Variants in PIGX observed in about 807,000 individuals in gnomAD.
PIGX encodes the protein phosphatidylinositol glycan anchor biosynthesis class X.
Under a neutral mutation model 28.7 loss-of-function variants are expected in PIGX, and 24 were observed. The ratio of observed to expected loss-of-function variants is 0.84; its 90% CI spans 0.60 to 1.17. The LOEUF (loss-of-function observed/expected upper bound fraction) is 1.17, where lower values mean the gene tolerates loss of function less well. Among genes scored for constraint, PIGX ranks in the 50% most tolerant of loss-of-function variants. The pLI is 0.00. For missense variants in PIGX, 305 were observed against 317.8 expected (o/e 0.96, Z 0.31); for synonymous variants, 127 against 121.0 (o/e 1.05, Z -0.33).
chr3:196,726,740 T>A (rs1712538423), intron 3 of PIGX: 2 of 453,784 alleles, frequency 4.4e-6, no homozygotes, highest in Admixed American at 4.8e-5. Context: ...ATTGCAGACA[T>A]TGTAAGCAAG....
intron 3 of PIGX, 145 bp downstream of exon 3, chr3:196,722,701 CAAGT>C: frequency 2.7e-6 from 2 of 740,132 alleles, no homozygotes; most frequent in South Asian, 1.7e-5. Context: ...TAGTCTTTGA[CAAGT>C]GAGTGACTCT....
chr3:196,721,372 G>T, intron 2 of PIGX: 1 of 161,960 alleles, frequency 6.2e-6, no homozygotes, highest in South Asian at 1.5e-4. Flanking sequence ...TTTTTATTTC[G>T]GAAATTATAT....
Position 196,731,242 on chromosome 3 carries a change from A to G in PIGX, c.633+150A>G, listed in dbSNP as rs1414907950. 7.8e-6 allele frequency: 3 copies of G among 385,058 alleles called. 1 individual carries two copies. The South Asian group carries it at 8.1e-5, about 10-fold the overall frequency. The allele number at this position is 385,058 out of a possible 1,614,324, so 23.9% of individuals were successfully genotyped here. A position where few individuals can be genotyped will look rare whatever the true frequency, so the allele number is the denominator to read the frequency against. ...ACCCAGGCTGGAGTGCAGTGGCACAATCTCGGCTCACTGCAGCCTCCGCCT... is the reference window on the plus strand; with the variant it reads ...ACCCAGGCTGGAGTGCAGTGGCACAGTCTCGGCTCACTGCAGCCTCCGCCT... On this transcript the variant is annotated intron_variant, in intron 5 of 5. Transcript: ENST00000392391.
intron 4 of PIGX, among the ~76,000 whole-genome samples, chr3:196,729,261 A>AGGC (rs937761967): frequency 1.3e-5 from 2 of 151,986 alleles, no homozygotes; most frequent in Non-Finnish European, 2.9e-5. Context: ...TGAACCCAGG[A>AGGC]GGCGGAGGTT....
At chr3:196,713,661 C>G (rs1711942403) in intron 1 of PIGX, among the ~76,000 whole-genome samples, 1 of 151,760 alleles carries the variant, frequency 6.6e-6, no homozygotes, top group Non-Finnish European at 1.5e-5. Context: ...CCAACGTTAG[C>G]ATTTTATAAT....
At position 196,733,767 on chromosome 3, in the gene PIGX, G is replaced by A. The variant is rs1051183704; in HGVS notation, c.642G>A (p.Lys214=). 7.5e-6 allele frequency: 12 copies of A among 1,593,876 alleles called. No homozygotes were observed. Among genetic ancestry groups the A allele is most frequent in the Non-Finnish European group, 9.5e-6 (11 of 1,161,694 alleles). Residue 214 remains lysine (K), a synonymous_variant, in exon 6 of 6, where the codon AAG becomes AAA. Transcript: ENST00000392391. The surrounding 1 kb of genome is among the most constrained non-coding windows in gnomAD (Gnocchi z 4.3). The stretch of plus-strand genomic sequence containing the variant: ...TCTCTCTCTCTCCATAGGTATATAA[G>A]AATGTGATTCTACAAGTTCCAGTGG...
chr3:196,721,156 A>T, intron 2 of PIGX: 2 of 369,320 alleles, frequency 5.4e-6, no homozygotes, highest in Admixed American at 4.0e-5. Flanking sequence ...TTTTTCTGTT[A>T]CATTCTCTTC....
In PIGX at chr3:196,735,492, T is replaced by C. The variant is rs890850372; in HGVS notation, c.*1590T>C. Reference sequence around the variant, plus strand: ...GGTGTTTTCATGGGACTACATCTTGTATAATTTGACATGTATGACCTGACT... The same window carrying C: ...GGTGTTTTCATGGGACTACATCTTGCATAATTTGACATGTATGACCTGACT... On this transcript the variant is annotated 3_prime_UTR_variant, in exon 6 of 6. Transcript: ENST00000392391. The C allele has an allele frequency of 2.0e-5, 3 of 152,076 alleles. No homozygotes were observed. Among genetic ancestry groups the C allele is most frequent in the African/African-American group, 7.2e-5 (3 of 41,416 alleles). The allele number at this position is 152,076 out of a possible 1,614,324, so 9.4% of individuals were successfully genotyped here. A position where few individuals can be genotyped will look rare whatever the true frequency, so the allele number is the denominator to read the frequency against.
In PIGX at chr3:196,734,045, A is replaced by G. The variant is rs1188550175; in HGVS notation, c.*143A>G. ...TGTTTACTAGAGGAAATTTGGGATC[A>G]TTCTCAGCTAATTCCAAAATGTAGT... is the stretch of plus-strand genomic sequence containing the variant. On this transcript the variant is annotated 3_prime_UTR_variant, in exon 6 of 6. Coordinates refer to ENST00000392391, the MANE Select transcript of PIGX (RefSeq NM_017861.4). 1 of 604,508 alleles carries G rather than the reference A, an allele frequency of 1.7e-6. No individual in the cohort carries two copies. The highest frequency in any genetic ancestry group is 2.9e-6 in the Non-Finnish European group (1 of 343,786). 37.4% of individuals were successfully genotyped at this position (604,508 alleles called of 1,614,324 possible).
chr3:196,721,264 C>A, intron 2 of PIGX: 1 of 320,460 alleles, frequency 3.1e-6, no homozygotes, highest in Non-Finnish European at 6.0e-6. Context: ...CTTTTTTCCT[C>A]TCTGTGCTTC....
At chr3:196,714,405 A>T (rs1480576061) in intron 1 of PIGX, among the ~76,000 whole-genome samples, 1 of 150,642 alleles carries the variant, frequency 6.6e-6, no homozygotes, top group East Asian at 1.9e-4. Context: ...TCAAGGCTGC[A>T]GTGAGCTGTG....
chr3:196,725,129 A>C (rs1211222729), intron 3 of PIGX, among the ~76,000 whole-genome samples: 1 of 152,208 alleles, frequency 6.6e-6, no homozygotes, highest in Non-Finnish European at 1.5e-5. Flanking sequence ...TTTCATCAGA[A>C]GTCTCTTAGA....
At chr3:196,728,255 A>C in intron 4 of PIGX, 119 bp downstream of exon 4, 1 of 694,212 alleles carries the variant, frequency 1.4e-6, no homozygotes, top group Non-Finnish European at 2.5e-6. Context: ...GGTAGTTACA[A>C]GGGTATTTAT....
intron 3 of PIGX, among the ~76,000 whole-genome samples, chr3:196,724,742 T>G (rs959036346): frequency 7.2e-5 from 11 of 152,214 alleles, no homozygotes; most frequent in Admixed American, 4.6e-4. Context: ...TATATGGAAT[T>G]TGATGCCTGA....
chr3:196,715,666 G>C, intron 1 of PIGX, among the ~76,000 whole-genome samples: 1 of 152,188 alleles, frequency 6.6e-6, no homozygotes, highest in Non-Finnish European at 1.5e-5. Context: ...ATAATATATA[G>C]TTTTCTGTAT....
At chr3:196,714,578 C>G (rs1281479752) in intron 1 of PIGX, among the ~76,000 whole-genome samples, 4 of 151,876 alleles carry the variant, frequency 2.6e-5, no homozygotes, top group African/African-American at 9.7e-5. Flanking sequence ...TCTCCTGCCT[C>G]AGCCTCCCAA....
Position 196,732,260 on chromosome 3 carries a change from TATTTTATTTTATTTTTTTTTTTATTTTA to T in PIGX, c.633+1169_633+1196del, listed in dbSNP as rs1560080771. 4.1e-4 allele frequency among the ~76,000 whole-genome samples: 25 copies of T among 60,462 alleles called. 3 individuals are homozygous for T. The highest frequency in any genetic ancestry group is 1.1e-3 in the South Asian group (2 of 1,740). The allele number at this position is 60,462 out of a possible 152,430, so 39.7% of individuals were successfully genotyped here. A position where few individuals can be genotyped will look rare whatever the true frequency, so the allele number is the denominator to read the frequency against. On this transcript the variant is annotated intron_variant, in intron 5 of 5. Transcript: ENST00000392391. ...TATATATATATATATATATATATTTTATTTTATTTTATTTTTTTTTTTATTTTATTTTTTTTTTTGAGACGGAGTCTCG... is the reference window on the plus strand; with the variant it reads ...TATATATATATATATATATATATTTTTTTTTTTTTTTGAGACGGAGTCTCG...
In PIGX at chr3:196,712,592, C is replaced by T; in HGVS notation, c.60C>T (p.Thr20=). The T allele has an allele frequency of 1.7e-6, 2 of 1,191,290 alleles. No individual in the cohort carries two copies. Among genetic ancestry groups the T allele is most frequent in the South Asian group, 4.2e-5 (1 of 23,994 alleles). The allele number at this position is 1,191,290 out of a possible 1,614,324, so 73.8% of individuals were successfully genotyped here. A position where few individuals can be genotyped will look rare whatever the true frequency, so the allele number is the denominator to read the frequency against. Reference sequence around the variant, plus strand: ...CCTGGCTGCTCCTCGGGGCGGCGACCGGGCTCACGCGCGGGCCCGCCGCGG... The same window carrying T: ...CCTGGCTGCTCCTCGGGGCGGCGACTGGGCTCACGCGCGGGCCCGCCGCGG... Residue 20 remains threonine (T), a synonymous_variant, in exon 1 of 6, where the codon ACC becomes ACT. Coordinates refer to ENST00000392391, the MANE Select transcript of PIGX (RefSeq NM_017861.4).
intron 2 of PIGX, among the ~76,000 whole-genome samples, chr3:196,719,515 C>G (rs1199713311): frequency 6.6e-6 from 1 of 152,140 alleles, no homozygotes; most frequent in Admixed American, 6.5e-5. Context: ...AGCTATACCT[C>G]TCTGTTTTTA....
Sources: gnomAD v4.1 joint callset for allele counts (sites outside exome capture counted in the v4.1 genomes callset) on GRCh38, gnomAD v4.1.1 for gene constraint, Gnocchi (gnomAD v3.1) non-coding constraint, MANE v1.5 for transcripts, NCBI Gene and HGNC (gene_info 2026-07-23, HGNC 2026-07-21) for gene names.